The following TRPM3 variants were observed in gnomAD, a reference collection of about 807,000 sequenced individuals.
The protein encoded by TRPM3 is long transient receptor potential channel 3.
A neutral mutation model predicts 181.2 loss-of-function variants in TRPM3; 77 were observed. That is an observed-to-expected ratio of 0.42 (90% CI 0.35 to 0.51). TRPM3 has a LOEUF of 0.51. TRPM3 is among the 20% of genes least tolerant of loss of function. The pLI, the probability that TRPM3 is intolerant of heterozygous loss-of-function variation, is 0.01. For synonymous variants in TRPM3, 745 were observed against 796.4 expected (o/e 0.94, Z 1.09); for missense variants, 1,759 against 2,196.7 (o/e 0.80, Z 3.98).
At chr9:70,776,513 A>T (rs1199237485) in intron 7 of TRPM3, 1 of 694,176 alleles carries the variant, frequency 1.4e-6, no homozygotes, top group South Asian at 1.6e-5. Context: ...TTTGCAAAAG[A>T]AACAAGGAAA....
intron 1 of TRPM3, among the ~76,000 whole-genome samples, chr9:70,996,457 G>T (rs919914902): frequency 2.6e-5 from 4 of 152,196 alleles, no homozygotes; most frequent in African/African-American, 9.6e-5. Context: ...AAGTGAACAA[G>T]ACACTGAAGA....
At chr9:71,141,193 T>C (rs1396712402) in intron 1 of TRPM3, among the ~76,000 whole-genome samples, 2 of 152,172 alleles carry the variant, frequency 1.3e-5, no homozygotes, top group Non-Finnish European at 2.9e-5. Flanking sequence ...TTGATTCTTA[T>C]TCAGATAAAT....
At chr9:70,676,191 T>A (rs139824621) in intron 9 of TRPM3, among the ~76,000 whole-genome samples, 120 of 152,344 alleles carry the variant, frequency 7.9e-4, no homozygotes, top group African/African-American at 2.6e-3. Context: ...CAGATGGACT[T>A]ATTTACCAGT....
chr9:70,809,496 C>T (rs2091442703), intron 6 of TRPM3, among the ~76,000 whole-genome samples: 1 of 152,128 alleles, frequency 6.6e-6, no homozygotes, highest in South Asian at 2.1e-4. Flanking sequence ...TTTAGATACA[C>T]AAATACTTAC....
chr9:70,807,423 G>GTTGCTAT (rs2090938782), intron 6 of TRPM3, among the ~76,000 whole-genome samples: 1 of 152,052 alleles, frequency 6.6e-6, no homozygotes, highest in South Asian at 2.1e-4. Flanking sequence ...GCTTGTACAT[G>GTTGCTAT]TTGCTATTTA....
intron 1 of TRPM3, among the ~76,000 whole-genome samples, chr9:70,982,045 G>T (rs865795317): frequency 1.3e-5 from 2 of 152,104 alleles, no homozygotes; most frequent in Admixed American, 1.3e-4. Context: ...CTGGGCCTAT[G>T]TCATCACCTA....
chr9:70,812,351 T>C (rs1384049080), intron 6 of TRPM3, among the ~76,000 whole-genome samples: 1 of 152,192 alleles, frequency 6.6e-6, no homozygotes, highest in Non-Finnish European at 1.5e-5. Flanking sequence ...CACTTGGTTA[T>C]ATGTCAGCAC....
chr9:70,554,503 C>T (rs2047190411), intron 22 of TRPM3, among the ~76,000 whole-genome samples: 2 of 152,182 alleles, frequency 1.3e-5, no homozygotes. Flanking sequence ...TGCTAGGCTG[C>T]ACATTCTACA....
chr9:71,296,754 A>G (rs992602411), intron 1 of TRPM3, among the ~76,000 whole-genome samples: 4 of 152,176 alleles, frequency 2.6e-5, no homozygotes, highest in African/African-American at 9.7e-5. Context: ...AAGACCCAAC[A>G]GACTAGACGG....
At chr9:70,687,786 C>T (rs113451007) in intron 8 of TRPM3, among the ~76,000 whole-genome samples, 2 of 152,314 alleles carry the variant, frequency 1.3e-5, no homozygotes, top group African/African-American at 4.8e-5. Flanking sequence ...CTGCACATTG[C>T]ACTTGTCACT....
chr9:70,603,238 T>C, intron 20 of TRPM3, 104 bp downstream of exon 20: 5 of 1,401,588 alleles, frequency 3.6e-6, no homozygotes, highest in Non-Finnish European at 3.9e-6. Flanking sequence ...GAGAAAACAG[T>C]TTCCGGCTTA....
At chr9:70,784,339 C>A in intron 6 of TRPM3, 60 bp from the exon 7 acceptor site, 1 of 1,475,778 alleles carries the variant, frequency 6.8e-7, no homozygotes, top group South Asian at 1.4e-5. Flanking sequence ...GCCAGCAAAC[C>A]AAAGAAACAA....
intron 1 of TRPM3, among the ~76,000 whole-genome samples, chr9:71,327,705 C>T (rs1435382876): frequency 6.6e-6 from 1 of 152,228 alleles, no homozygotes; most frequent in African/African-American, 2.4e-5. Flanking sequence ...TCCTTCCACT[C>T]TTTTCCTCCA....
chr9:70,986,765 T>C (rs2097426025), intron 1 of TRPM3, among the ~76,000 whole-genome samples: 1 of 152,168 alleles, frequency 6.6e-6, no homozygotes, highest in Non-Finnish European at 1.5e-5. Flanking sequence ...TATAATCTAG[T>C]GGAGCCTCTT....
chr9:71,313,718 A>C (rs923396985), intron 1 of TRPM3, among the ~76,000 whole-genome samples: 5 of 152,128 alleles, frequency 3.3e-5, no homozygotes, highest in African/African-American at 4.8e-5. Context: ...AATCCATTTA[A>C]ATTGCAACAA....
chr9:70,839,156 G>A (rs2094495245), intron 5 of TRPM3, among the ~76,000 whole-genome samples: 1 of 152,176 alleles, frequency 6.6e-6, no homozygotes, highest in African/African-American at 2.4e-5. Flanking sequence ...AAGTAGGTAA[G>A]ATTTATCATT....
intron 1 of TRPM3, among the ~76,000 whole-genome samples, chr9:70,882,900 T>C (rs1279753882): frequency 6.6e-6 from 1 of 152,202 alleles, no homozygotes; most frequent in Non-Finnish European, 1.5e-5. Flanking sequence ...GAATAAAGGA[T>C]AATGAAGGTC....
chr9:70,885,027 C>T (rs750787843), intron 1 of TRPM3, among the ~76,000 whole-genome samples: 16 of 152,138 alleles, frequency 1.1e-4, no homozygotes, highest in Non-Finnish European at 2.4e-4. Context: ...GGCCTCCTGA[C>T]GTCTACTTGC....
At chr9:71,223,526 G>A (rs2080373500) in intron 1 of TRPM3, among the ~76,000 whole-genome samples, 1 of 152,156 alleles carries the variant, frequency 6.6e-6, no homozygotes, top group Non-Finnish European at 1.5e-5. Context: ...AAAGGACAGG[G>A]AAAAATAAAA....
Sources: gnomAD v4.1 joint callset for allele counts (sites outside exome capture counted in the v4.1 genomes callset) on GRCh38, gnomAD v4.1.1 for gene constraint, MANE v1.5 for transcripts, NCBI Gene and HGNC (gene_info 2026-07-23, HGNC 2026-07-21) for gene names.